HDAC4: variants seen among roughly 807,000 people sequenced by gnomAD.
HDAC4 encodes histone deacetylase 4, also known as histone deacetylase A.
Under a neutral mutation model 135.1 loss-of-function variants are expected in HDAC4, and 16 were observed. The observed-to-expected ratio is 0.12, with a 90% confidence interval of 0.08 to 0.18. The LOEUF is 0.18. HDAC4 is among the 10% of genes least tolerant of loss of function. The pLI is 1.00. For missense variants in HDAC4, 1,143 were observed against 1,511.8 expected (o/e 0.76, Z 4.05); for synonymous variants, 685 against 653.4 (o/e 1.05, Z -0.74).
At position 239,157,653 on chromosome 2, in the gene HDAC4, C is replaced by A. The variant is rs114280286; in HGVS notation, c.612-880G>T. Among the ~76,000 whole-genome samples, 746 of 152,278 alleles carry A rather than the reference C, an allele frequency of 4.9e-3. 5 individuals are homozygous for A. Among genetic ancestry groups the A allele is most frequent in the Non-Finnish European group, 7.6e-3 (514 of 68,022 alleles). On this transcript the variant is annotated intron_variant, in intron 6 of 26. Coordinates refer to ENST00000543185, the MANE Select transcript of HDAC4 (RefSeq NM_001378414.1). ...GAATAAATTCTGAGTCTTTAAACTG[C>A]GTAATCTGCTTAATGACTACAAACA... is the stretch of plus-strand genomic sequence containing the variant.
intron 3 of HDAC4, among the ~76,000 whole-genome samples, chr2:239,202,572 A>T (rs7561354): frequency 6.6e-6 from 1 of 151,784 alleles, no homozygotes; most frequent in Non-Finnish European, 1.5e-5. Context: ...TGTGGCTGGT[A>T]TTCAACACAG....
chr2:239,160,238 T>A (rs1392103836), intron 6 of HDAC4, among the ~76,000 whole-genome samples: 4 of 152,236 alleles, frequency 2.6e-5, no homozygotes, highest in African/African-American at 9.6e-5. Context: ...CCTTTCAACT[T>A]ATAATCGATA....
At chr2:239,254,739 G>C (rs1189158628) in intron 2 of HDAC4, among the ~76,000 whole-genome samples, 1 of 152,126 alleles carries the variant, frequency 6.6e-6, no homozygotes, top group Non-Finnish European at 1.5e-5. Context: ...AACAGATAAC[G>C]AATGAGAATA....
Position 239,167,133 on chromosome 2 carries a change from G to A in HDAC4, c.491-3210C>T, listed in dbSNP as rs76209090. Among the ~76,000 whole-genome samples, 842 of 152,194 alleles carry A rather than the reference G, an allele frequency of 5.5e-3. 10 individuals are homozygous for A. The highest frequency in any genetic ancestry group is 9.9e-3 in the Admixed American group (151 of 15,294). ...GACAAGAAGCAGGTTCTCGGTGTGC[G>A]GGACGAGGACGCCCTCAACACTTTC... is the stretch of plus-strand genomic sequence containing the variant. On this transcript the variant is annotated intron_variant, in intron 5 of 26. Transcript: ENST00000543185. This position sits in a 1 kb window ranked among gnomAD's most constrained non-coding sequence, Gnocchi z 4.1.
intron 2 of HDAC4, among the ~76,000 whole-genome samples, chr2:239,301,736 A>G (rs2052283192): frequency 6.6e-6 from 1 of 152,154 alleles, no homozygotes; most frequent in Non-Finnish European, 1.5e-5. Flanking sequence ...CTCCTGCCTC[A>G]GCCTCCCAAA....
At position 239,146,980 on chromosome 2, in the gene HDAC4, C is replaced by G. The variant is rs2041807517; in HGVS notation, c.734-2266G>C. 6.6e-6 allele frequency among the ~76,000 whole-genome samples: 1 copy of G among 152,194 alleles called. No individual in the cohort carries two copies. Among genetic ancestry groups the G allele is most frequent in the Admixed American group, 6.5e-5 (1 of 15,290 alleles). ...GGTGGCTGCAGCTGACCAGGAGGCT[C>G]CAGGACACCATGCCAGCACTGCCAG... On this transcript the variant is annotated intron_variant, in intron 7 of 26. Transcript: ENST00000543185. This position sits in a 1 kb window ranked among gnomAD's most constrained non-coding sequence, Gnocchi z 4.5.
chr2:239,169,420 G>A (rs1343700571), intron 5 of HDAC4, among the ~76,000 whole-genome samples: 2 of 152,208 alleles, frequency 1.3e-5, no homozygotes, highest in Admixed American at 1.3e-4. Flanking sequence ...CCGCGCACAG[G>A]GCTCCCACGG....
chr2:239,227,575 C>G (rs1263053708), intron 3 of HDAC4, among the ~76,000 whole-genome samples: 1 of 152,186 alleles, frequency 6.6e-6, no homozygotes, highest in African/African-American at 2.4e-5. Flanking sequence ...AGAGCCTGGA[C>G]AGACAGACAA....
chr2:239,167,727 CTT>C lies in HDAC4; in HGVS notation c.491-3806_491-3805del, dbSNP rs76427189. ...CAGATCTCCCTAATTTTTACTTTTACTTTTTTTTTTTTTTTCTTAATTCACAT... is the reference window on the plus strand; with the variant it reads ...CAGATCTCCCTAATTTTTACTTTTACTTTTTTTTTTTTTCTTAATTCACAT... On this transcript the variant is annotated intron_variant, in intron 5 of 26. Transcript: ENST00000543185. This position sits in a 1 kb window ranked among gnomAD's most constrained non-coding sequence, Gnocchi z 4.1. Among the ~76,000 whole-genome samples the C allele has an allele frequency of 6.9e-6, 1 of 144,154 alleles. No homozygotes were observed. The allele number at this position is 144,154 out of a possible 152,430, so 94.6% of individuals were successfully genotyped here. A position where few individuals can be genotyped will look rare whatever the true frequency, so the allele number is the denominator to read the frequency against.
At chr2:239,259,527 A>G (rs895565259) in intron 2 of HDAC4, among the ~76,000 whole-genome samples, 1 of 152,258 alleles carries the variant, frequency 6.6e-6, no homozygotes, top group Non-Finnish European at 1.5e-5. Context: ...GGGTAATAAA[A>G]ATAGCACACA....
intron 1 of HDAC4, among the ~76,000 whole-genome samples, chr2:239,373,374 C>T (rs879493216): frequency 2.0e-5 from 3 of 152,190 alleles, no homozygotes; most frequent in Non-Finnish European, 4.4e-5. Context: ...CCCCTCTTCC[C>T]TGGGCTGCCT....
At chr2:239,179,345 G>T (rs563505135) in intron 4 of HDAC4, among the ~76,000 whole-genome samples, 16 of 152,334 alleles carry the variant, frequency 1.1e-4, no homozygotes, top group African/African-American at 3.4e-4. Flanking sequence ...GGGCCACAAA[G>T]CAGGAGGTAA....
At chr2:239,251,148 C>G (rs1168831735) in intron 2 of HDAC4, among the ~76,000 whole-genome samples, 1 of 152,214 alleles carries the variant, frequency 6.6e-6, no homozygotes, top group African/African-American at 2.4e-5. Context: ...GTTTTACTCT[C>G]CTTAATTTTG....
chr2:239,372,461 C>T (rs1395992249), intron 1 of HDAC4, among the ~76,000 whole-genome samples: 2 of 152,276 alleles, frequency 1.3e-5, no homozygotes. Flanking sequence ...CCACCAGGGT[C>T]CTTCCTTGGG....
At chr2:239,393,814 T>C (rs1297609337) in intron 1 of HDAC4, among the ~76,000 whole-genome samples, 3 of 152,238 alleles carry the variant, frequency 2.0e-5, no homozygotes, top group Non-Finnish European at 2.9e-5. Context: ...CCTGGGGTCA[T>C]GGGGCTGGCC....
chr2:239,197,486 G>A (rs577589429), intron 3 of HDAC4, among the ~76,000 whole-genome samples: 4 of 152,292 alleles, frequency 2.6e-5, no homozygotes, highest in African/African-American at 9.6e-5. Context: ...TGCTCCCATC[G>A]TAGGGGGCTC....
At position 239,321,292 on chromosome 2, in the gene HDAC4, C is replaced by T. The variant is rs1165745348; in HGVS notation, c.22+31386G>A. 7.2e-5 allele frequency among the ~76,000 whole-genome samples: 11 copies of T among 151,832 alleles called. 1 individual carries two copies. In the South Asian group the frequency reaches 1.7e-3, roughly 23 times the overall value. On this transcript the variant is annotated intron_variant, in intron 2 of 26. Coordinates refer to ENST00000543185, the MANE Select transcript of HDAC4 (RefSeq NM_001378414.1). Reference sequence around the variant, plus strand: ...CATCCTGGCTCACACGGTGAAACCCCGTCTCTACTAAAAATACAAAAAATT... The same window carrying T: ...CATCCTGGCTCACACGGTGAAACCCTGTCTCTACTAAAAATACAAAAAATT...
intron 1 of HDAC4, among the ~76,000 whole-genome samples, chr2:239,392,035 G>C (rs1476156178): frequency 6.6e-6 from 1 of 152,234 alleles, no homozygotes; most frequent in Admixed American, 6.5e-5. Context: ...ATCCCCACCA[G>C]CTTGGGAGGT....
intron 2 of HDAC4, among the ~76,000 whole-genome samples, chr2:239,330,196 C>T (rs999791106): frequency 2.6e-5 from 4 of 152,264 alleles, no homozygotes; most frequent in Non-Finnish European, 4.4e-5. Context: ...GGGAGAGCCA[C>T]AGGAGAGCCA....
Sources: allele counts gnomAD v4.1 joint callset (sites outside exome capture counted in the v4.1 genomes callset), GRCh38; gene constraint gnomAD v4.1.1; non-coding constraint Gnocchi (gnomAD v3.1); transcripts MANE v1.5; gene names NCBI Gene and HGNC (gene_info 2026-07-23, HGNC 2026-07-21).